KCNMB2: variants seen among roughly 807,000 people sequenced by gnomAD.
KCNMB2 encodes potassium calcium-activated channel subfamily M regulatory beta subunit 2, also known as calcium-activated potassium channel subunit beta-2.
In KCNMB2, 9 loss-of-function variants were observed where a neutral mutation model predicts 24.5. The ratio of observed to expected loss-of-function variants is 0.37; its 90% CI spans 0.22 to 0.64. The LOEUF is 0.64. Ranked by LOEUF, KCNMB2 falls within the 30% of genes least tolerant of loss-of-function variation. The pLI, the probability that KCNMB2 is intolerant of heterozygous loss-of-function variation, is 0.63. For synonymous variants in KCNMB2, 109 were observed against 104.4 expected (o/e 1.04, Z -0.27); for missense variants, 226 against 284.3 (o/e 0.79, Z 1.47).
At position 178,687,410 on chromosome 3, in the gene KCNMB2, A is replaced by T. The variant is rs373363946; in HGVS notation, c.-67-119933A>T. The stretch of plus-strand genomic sequence containing the variant: ...GTGTACTTATGGGTCTGGAGTTTCT[A>T]CCTTGCTGCCTGATGGGAATGAAGT... On this transcript the variant is annotated intron_variant, in intron 1 of 4. Transcript: ENST00000452583. Among the ~76,000 whole-genome samples the T allele has an allele frequency of 1.3e-5, 2 of 152,240 alleles. 1 individual carries two copies.
rs535388156 is a variant in KCNMB2 at position 178,831,834 on chromosome 3, CA to C, written c.423+3462del. Among the ~76,000 whole-genome samples, 497 of 152,146 alleles carry C rather than the reference CA, an allele frequency of 3.3e-3. 2 individuals are homozygous for C. Among genetic ancestry groups the C allele is most frequent in the Non-Finnish European group, 5.4e-3 (365 of 67,990 alleles). ...CTGGGTGGTGAAATAAACTGTACAC[CA>C]CGCCCCTGTGACATGCAATTTACCT... On this transcript the variant is annotated intron_variant, in intron 4 of 4. Transcript: ENST00000452583.
chr3:178,636,162 A>G (rs545858156), intron 1 of KCNMB2, among the ~76,000 whole-genome samples: 2 of 152,166 alleles, frequency 1.3e-5, no homozygotes, highest in Non-Finnish European at 2.9e-5. Context: ...AATTTTCCAA[A>G]CCCAGCCCAG....
intron 1 of KCNMB2, among the ~76,000 whole-genome samples, chr3:178,802,351 T>C (rs776985129): frequency 2.2e-4 from 34 of 152,134 alleles, no homozygotes; most frequent in Admixed American, 1.6e-3. Flanking sequence ...AAAGAAGAGT[T>C]CATTAAGAGT....
rs985202520 is a variant in KCNMB2 at position 178,843,404 on chromosome 3, C to T, written c.*467C>T. 1 of 205,022 alleles carries T rather than the reference C, an allele frequency of 4.9e-6. No homozygotes were observed. Among genetic ancestry groups the T allele is most frequent in the Non-Finnish European group, 1.0e-5 (1 of 96,954 alleles). 12.7% of individuals were successfully genotyped at this position (205,022 alleles called of 1,614,324 possible). A position where few individuals can be genotyped will look rare whatever the true frequency, so the allele number is the denominator to read the frequency against. ...TATAGCAAGTGAAGGGACCAGATTT[C>T]CTAATTAAAGGAAGTTAGGTACTTT... On this transcript the variant is annotated 3_prime_UTR_variant, in exon 5 of 5. Coordinates refer to ENST00000452583, the MANE Select transcript of KCNMB2 (RefSeq NM_181361.3).
intron 3 of KCNMB2, 55 bp from the exon 4 acceptor site, chr3:178,828,123 C>A: frequency 7.7e-7 from 1 of 1,305,480 alleles, no homozygotes; most frequent in Non-Finnish European, 1.1e-6. Flanking sequence ...TCGGACTATA[C>A]CTTTCTCACT....
chr3:178,738,582 G>A (rs1464260885), intron 1 of KCNMB2, among the ~76,000 whole-genome samples: 1 of 152,022 alleles, frequency 6.6e-6, no homozygotes, highest in Middle Eastern at 3.2e-3. Context: ...TCTGTCCCAG[G>A]TCCTTTGAAT....
intron 2 of KCNMB2, among the ~76,000 whole-genome samples, chr3:178,814,042 G>A (rs537643727): frequency 2.0e-5 from 3 of 152,014 alleles, no homozygotes; most frequent in Non-Finnish European, 4.4e-5. Context: ...TGCAAGATTT[G>A]TTATATGGGC....
At chr3:178,547,037 G>A (rs963704352) in intron 1 of KCNMB2, among the ~76,000 whole-genome samples, 1 of 152,208 alleles carries the variant, frequency 6.6e-6, no homozygotes, top group Non-Finnish European at 1.5e-5. Context: ...AGTGTTAAAA[G>A]GTGGGACCTT....
At chr3:178,640,581 T>G (rs1406037672) in intron 1 of KCNMB2, among the ~76,000 whole-genome samples, 1 of 152,178 alleles carries the variant, frequency 6.6e-6, no homozygotes, top group Non-Finnish European at 1.5e-5. Flanking sequence ...TCTCTATGCC[T>G]TGAAAATTTT....
chr3:178,614,244 A>ATT (rs1718599411), intron 1 of KCNMB2, among the ~76,000 whole-genome samples: 6 of 57,016 alleles, frequency 1.1e-4, no homozygotes, highest in African/African-American at 3.1e-4. Flanking sequence ...GACTGGGCTA[A>ATT]TTTTATATAT....
chr3:178,613,405 C>T (rs1367576859), intron 1 of KCNMB2, among the ~76,000 whole-genome samples: 1 of 152,164 alleles, frequency 6.6e-6, no homozygotes, highest in Admixed American at 6.5e-5. Flanking sequence ...GTGTTTTTCT[C>T]TGCACTTACT....
chr3:178,722,701 T>C (rs1445233124), intron 1 of KCNMB2, among the ~76,000 whole-genome samples: 4 of 152,168 alleles, frequency 2.6e-5, no homozygotes, highest in African/African-American at 9.7e-5. Flanking sequence ...AAGACCAGCC[T>C]GGGCAACATG....
At chr3:178,799,169 G>A (rs1328618089) in intron 1 of KCNMB2, among the ~76,000 whole-genome samples, 1 of 152,134 alleles carries the variant, frequency 6.6e-6, no homozygotes, top group Non-Finnish European at 1.5e-5. Flanking sequence ...AGTACTGGAA[G>A]CCCTAGTTAG....
chr3:178,693,025 T>C (rs1560169595), intron 1 of KCNMB2, among the ~76,000 whole-genome samples: 1 of 152,246 alleles, frequency 6.6e-6, no homozygotes, highest in Non-Finnish European at 1.5e-5. Context: ...TGAATGGGGC[T>C]ACATTCCTGT....
At chr3:178,656,003 G>C (rs1306281638) in intron 1 of KCNMB2, among the ~76,000 whole-genome samples, 1 of 152,072 alleles carries the variant, frequency 6.6e-6, no homozygotes, top group East Asian at 1.9e-4. Context: ...CCCACAAAAG[G>C]CCTTTTCTCC....
rs546254229 is a variant in KCNMB2 at position 178,781,698 on chromosome 3, G to T, written c.-67-25645G>T. Among the ~76,000 whole-genome samples, 334 of 151,924 alleles carry T rather than the reference G, an allele frequency of 2.2e-3. 2 individuals are homozygous for T. The highest frequency in any genetic ancestry group is 7.6e-3 in the African/African-American group (315 of 41,438). On this transcript the variant is annotated intron_variant, in intron 1 of 4. Coordinates refer to ENST00000452583, the MANE Select transcript of KCNMB2 (RefSeq NM_181361.3). ...CTGGGATGAGGGGTGAGGAACAGGG[G>T]GGAGTGATGGACCACCTCTAGTTTT...
intron 1 of KCNMB2, among the ~76,000 whole-genome samples, chr3:178,604,637 T>G (rs1211781094): frequency 1.3e-5 from 2 of 152,200 alleles, no homozygotes; most frequent in African/African-American, 2.4e-5. Context: ...ATTTGGTTTT[T>G]AAAATTATGA....
At chr3:178,724,006 T>C (rs1722889008) in intron 1 of KCNMB2, among the ~76,000 whole-genome samples, 1 of 152,196 alleles carries the variant, frequency 6.6e-6, no homozygotes, top group African/African-American at 2.4e-5. Context: ...TACCCAGTAA[T>C]GAGATTGCTG....
chr3:178,724,513 TC>T (rs752967215), intron 1 of KCNMB2, among the ~76,000 whole-genome samples: 2 of 152,160 alleles, frequency 1.3e-5, no homozygotes, highest in African/African-American at 2.4e-5. Flanking sequence ...TTTAATTAAG[TC>T]CCATTTGTCT....
Sources: gnomAD v4.1 joint callset for allele counts (sites outside exome capture counted in the v4.1 genomes callset) on GRCh38, gnomAD v4.1.1 for gene constraint, MANE v1.5 for transcripts, NCBI Gene and HGNC (gene_info 2026-07-23, HGNC 2026-07-21) for gene names.